The following FNDC3A variants were observed in gnomAD, a reference collection of about 807,000 sequenced individuals.
FNDC3A encodes fibronectin type III domain containing 3A, also known as fibronectin type-III domain-containing protein 3A.
Under a neutral mutation model 148.9 loss-of-function variants are expected in FNDC3A, and 32 were observed. The observed-to-expected ratio is 0.21, with a 90% CI of 0.16 to 0.29. The LOEUF (loss-of-function observed/expected upper bound fraction) is 0.29, where lower values mean the gene tolerates loss of function less well. Among genes scored for constraint, FNDC3A ranks in the 10% least tolerant of loss-of-function variants. FNDC3A has a pLI of 1.00. For synonymous variants in FNDC3A, 472 were observed against 473.6 expected (o/e 1.00, Z 0.04); for missense variants, 1,191 against 1,452.8 (o/e 0.82, Z 2.93).
At chr13:49,100,171 T>C (rs1409277405) in intron 3 of FNDC3A, among the ~76,000 whole-genome samples, 1 of 152,182 alleles carries the variant, frequency 6.6e-6, no homozygotes, top group African/African-American at 2.4e-5. Flanking sequence ...TGCTCTTTAA[T>C]GTACTTGCAT....
chr13:49,099,143 G>A (rs775815160), intron 3 of FNDC3A, among the ~76,000 whole-genome samples: 1 of 151,996 alleles, frequency 6.6e-6, no homozygotes, highest in Non-Finnish European at 1.5e-5. Context: ...CATTTGTCTT[G>A]GATTTATCAT....
At chr13:49,080,244 G>T (rs916633297) in intron 3 of FNDC3A, among the ~76,000 whole-genome samples, 1 of 151,968 alleles carries the variant, frequency 6.6e-6, no homozygotes, top group Non-Finnish European at 1.5e-5. Context: ...TCTTCCCTTA[G>T]TTCTTTACCT....
rs1882382407 is a variant in FNDC3A, at chr13:49,136,661, A to G, written c.760+60A>G. On this transcript the variant is annotated intron_variant, in intron 6 of 25. Coordinates refer to ENST00000492622, the MANE Select transcript of FNDC3A (RefSeq NM_001079673.2). Reference sequence around the variant, plus strand: ...TGCTATTCTCGTGATTTAACCTACTAAAAGTATATTCTAACCTTTCAGTCA... The same window carrying G: ...TGCTATTCTCGTGATTTAACCTACTGAAAGTATATTCTAACCTTTCAGTCA... 1.4e-5 allele frequency: 21 copies of G among 1,495,098 alleles called. No individual in the cohort carries two copies. In the South Asian group the frequency reaches 2.4e-4, roughly 17 times the overall value. 92.6% of individuals were successfully genotyped at this position (1,495,098 alleles called of 1,614,324 possible). A position where few individuals can be genotyped will look rare whatever the true frequency, so the allele number is the denominator to read the frequency against.
intron 1 of FNDC3A, among the ~76,000 whole-genome samples, chr13:48,995,720 A>C (rs1952011161): frequency 6.6e-6 from 1 of 152,182 alleles, no homozygotes; most frequent in Admixed American, 6.5e-5. Flanking sequence ...AGTTGACATC[A>C]AAGAGGGTAA....
intron 10 of FNDC3A, 77 bp from the exon 11 acceptor site, chr13:49,171,966 C>A: frequency 2.0e-6 from 2 of 990,750 alleles, no homozygotes; most frequent in Non-Finnish European, 3.1e-6. Context: ...TAAACTAGAT[C>A]CTTATATTAG....
At chr13:48,978,174 T>TA (rs1342726883) in intron 1 of FNDC3A, among the ~76,000 whole-genome samples, 1 of 152,168 alleles carries the variant, frequency 6.6e-6, no homozygotes, top group Non-Finnish European at 1.5e-5. Flanking sequence ...AACACACATG[T>TA]AATGATTACT....
chr13:48,992,252 A>G (rs1951935651), intron 1 of FNDC3A, among the ~76,000 whole-genome samples: 1 of 152,206 alleles, frequency 6.6e-6, no homozygotes, highest in Admixed American at 6.5e-5. Context: ...GTGATTTCTT[A>G]AGTATAGCAT....
intron 1 of FNDC3A, among the ~76,000 whole-genome samples, chr13:48,994,633 C>T (rs993047662): frequency 6.6e-6 from 1 of 152,078 alleles, no homozygotes; most frequent in Non-Finnish European, 1.5e-5. Flanking sequence ...CAAAAATTAG[C>T]TGGGCGTGGT....
At chr13:49,164,346 C>T (rs1884335604) in intron 8 of FNDC3A, among the ~76,000 whole-genome samples, 1 of 152,172 alleles carries the variant, frequency 6.6e-6, no homozygotes, top group Non-Finnish European at 1.5e-5. Flanking sequence ...GACAGTTTGA[C>T]TATAATTTCA....
At chr13:48,981,798 T>C (rs543132262) in intron 1 of FNDC3A, among the ~76,000 whole-genome samples, 22 of 149,814 alleles carry the variant, frequency 1.5e-4, no homozygotes, top group Admixed American at 9.4e-4. Flanking sequence ...GTAAATTAGA[T>C]TGTGTATGTT....
rs775545280 is a variant in FNDC3A at position 49,187,189 on chromosome 13, C to T, written c.1824C>T (p.Asn608=). 13 of 1,593,122 alleles carry T rather than the reference C, an allele frequency of 8.2e-6. No individual in the cohort carries two copies. The highest frequency in any genetic ancestry group is 4.5e-5 in the East Asian group (2 of 44,746). The part of the protein sequence containing the change: ...KYVVEMAEGS[N]GNKWEMIYSG... ...TAGTGGAGATGGCAGAAGGTTCTAA[C>T]GGTATGAATGGATATTAAACACTGA... is the stretch of plus-strand genomic sequence containing the variant. The change falls in exon 16 of 26, where the codon AAC becomes AAT. Residue 608 remains asparagine, a splice_region_variant and synonymous_variant. Transcript: ENST00000492622.
At chr13:49,065,638 A>G (rs1014018344) in intron 2 of FNDC3A, among the ~76,000 whole-genome samples, 9 of 150,668 alleles carry the variant, frequency 6.0e-5, no homozygotes, top group African/African-American at 2.3e-4. Flanking sequence ...GGTGTGTATT[A>G]GGGGAGGCTG....
At chr13:49,124,919 G>A (rs1312742365) in intron 4 of FNDC3A, among the ~76,000 whole-genome samples, 1 of 152,156 alleles carries the variant, frequency 6.6e-6, no homozygotes, top group Non-Finnish European at 1.5e-5. Flanking sequence ...CTTATCAAGA[G>A]AAGTTTATGA....
intron 2 of FNDC3A, 52 bp downstream of exon 2, chr13:49,006,341 G>T: frequency 9.7e-7 from 1 of 1,031,108 alleles, no homozygotes. Flanking sequence ...ATGTATTTAT[G>T]CAAAATTTAA....
At chr13:49,199,453 A>G (rs1438024111) in intron 23 of FNDC3A, among the ~76,000 whole-genome samples, 1 of 148,748 alleles carries the variant, frequency 6.7e-6, no homozygotes, top group Admixed American at 6.8e-5. Context: ...TCAGCCTCCC[A>G]AGTAGCTGGG....
chr13:49,007,733 A>T (rs1952247659), intron 2 of FNDC3A, among the ~76,000 whole-genome samples: 1 of 150,710 alleles, frequency 6.6e-6, no homozygotes, highest in African/African-American at 2.4e-5. Flanking sequence ...GTAGATGGCT[A>T]TAGAGAAAGG....
chr13:49,114,688 G>C lies in FNDC3A; in HGVS notation c.209G>C (p.Gly70Ala), dbSNP rs1297110704. 3 of 1,613,362 alleles carry C rather than the reference G, an allele frequency of 1.9e-6. No individual in the cohort carries two copies. The highest frequency in any genetic ancestry group is 2.2e-5 in the South Asian group (2 of 91,070). The change falls in exon 4 of 26, where the codon GGT (glycine) becomes GCT (alanine). Residue 70 changes from glycine (G) to alanine (A), a missense_variant. Physicochemically the swap from Gly to Ala is moderately conservative, Grantham distance 60 (BLOSUM62 0). This residue lies in a region of FNDC3A where 426 missense variants were observed against 473.2 expected (regional missense o/e 0.90). Transcript: ENST00000492622. ...PAQVPMMSPN[G>A]SVPPIYVPPG... ...CAGGTTCCAATGATGTCCCCAAATG[G>C]TTCTGTGCCTCCTATCTATGTGCCT... is the stretch of plus-strand genomic sequence containing the variant.
chr13:49,059,856 C>T (rs1402517140), intron 2 of FNDC3A, among the ~76,000 whole-genome samples: 1 of 152,112 alleles, frequency 6.6e-6, no homozygotes, highest in Non-Finnish European at 1.5e-5. Context: ...TAAAACTGGG[C>T]AAATGACTTG....
At chr13:49,192,871 G>A (rs971376064) in intron 19 of FNDC3A, among the ~76,000 whole-genome samples, 2 of 152,140 alleles carry the variant, frequency 1.3e-5, no homozygotes, top group African/African-American at 4.8e-5. Flanking sequence ...CCAGAGAGCA[G>A]TACTGATAAA....
Sources: gnomAD v4.1 joint callset for allele counts (sites outside exome capture counted in the v4.1 genomes callset) on GRCh38, gnomAD v4.1.1 for gene constraint, gnomAD v4.1.1 regional missense constraint, MANE v1.5 for transcripts, NCBI Gene and HGNC (gene_info 2026-07-23, HGNC 2026-07-21) for gene names.